The following OTUD7A variants were observed in gnomAD, a reference collection of about 807,000 sequenced individuals.
The protein encoded by OTUD7A is OTU domain-containing protein 7A.
OTUD7A carries 12 observed loss-of-function variants against 65.7 expected under a neutral mutation model. The ratio of observed to expected loss-of-function variants is 0.18; its 90% confidence interval spans 0.12 to 0.30. The LOEUF (loss-of-function observed/expected upper bound fraction) is 0.30. Ranked by LOEUF, OTUD7A falls within the 10% of genes least tolerant of loss-of-function variation. The probability of loss-of-function intolerance (pLI) is 1.00; values close to 1 mark genes in which losing one functional copy is unlikely to be tolerated. For synonymous variants in OTUD7A, 641 were observed against 586.3 expected, an observed-to-expected ratio of 1.09 and a Z score of -1.35; for missense variants, 1,148 against 1,304.8, an observed-to-expected ratio of 0.88 and a Z score of 1.85.
chr15:31,708,699 A>G (rs1435502910), intron 1 of OTUD7A, among the ~76,000 whole-genome samples: 1 of 152,188 alleles, frequency 6.6e-6, no homozygotes, highest in Non-Finnish European at 1.5e-5. Context: ...GAGGAAGAGG[A>G]AGCAATTAAC....
intron 1 of OTUD7A, among the ~76,000 whole-genome samples, chr15:31,835,188 C>T (rs1405299171): frequency 1.3e-5 from 2 of 152,090 alleles, no homozygotes; most frequent in Non-Finnish European, 2.9e-5. Flanking sequence ...GGTTCAAACA[C>T]AGAAAAAATA....
In OTUD7A at chr15:31,537,925, G is replaced by C. The variant is rs529191419; in HGVS notation, c.551-7117C>G. ...TTTCTGCGGCAGACCTCGTTGTCTT[G>C]CCCGCCCCACAGCGTTTCCCTCCCA... is the stretch of plus-strand genomic sequence containing the variant. On this transcript the variant is annotated intron_variant, in intron 5 of 12. Transcript: ENST00000307050. Among the ~76,000 whole-genome samples the C allele has an allele frequency of 2.6e-5, 4 of 152,290 alleles. No homozygotes were observed. In the East Asian group the frequency reaches 7.7e-4, roughly 29 times the overall value.
chr15:31,868,266 A>G (rs764449454), intron 1 of OTUD7A, among the ~76,000 whole-genome samples: 2 of 152,232 alleles, frequency 1.3e-5, no homozygotes, highest in South Asian at 4.1e-4. Flanking sequence ...GTTTTGGGGA[A>G]ATAAGTGACC....
intron 3 of OTUD7A, among the ~76,000 whole-genome samples, chr15:31,613,622 G>A (rs1566944168): frequency 6.6e-6 from 1 of 152,074 alleles, no homozygotes; most frequent in African/African-American, 2.4e-5. Flanking sequence ...CTGTAAGAAT[G>A]GCCATAATAA....
intron 10 of OTUD7A, among the ~76,000 whole-genome samples, chr15:31,490,441 G>A (rs1004645322): frequency 6.6e-6 from 1 of 152,188 alleles, no homozygotes; most frequent in Non-Finnish European, 1.5e-5. Flanking sequence ...AAAGCTGGAA[G>A]AGCATTGTTC....
intron 1 of OTUD7A, among the ~76,000 whole-genome samples, chr15:31,698,930 A>G (rs1447414247): frequency 6.6e-6 from 1 of 152,012 alleles, no homozygotes; most frequent in African/African-American, 2.4e-5. Flanking sequence ...AATGGCACCT[A>G]TTTAACAGGA....
intron 1 of OTUD7A, among the ~76,000 whole-genome samples, chr15:31,732,292 G>A (rs1050701193): frequency 2.0e-5 from 3 of 152,212 alleles, no homozygotes; most frequent in African/African-American, 7.2e-5. Flanking sequence ...GCGCAGAGCT[G>A]GTGTCTCCTC....
intron 1 of OTUD7A, among the ~76,000 whole-genome samples, chr15:31,662,413 C>T (rs186356062): frequency 1.3e-5 from 2 of 152,288 alleles, no homozygotes; most frequent in Admixed American, 6.5e-5. Context: ...ATTTTGCATT[C>T]GTCGATTTAA....
At chr15:31,766,487 G>A (rs1046409307) in intron 1 of OTUD7A, 4 of 1,603,406 alleles carry the variant, frequency 2.5e-6, no homozygotes, top group African/African-American at 2.7e-5. Flanking sequence ...TTGTACTTTT[G>A]CAGAGTCTTT....
chr15:31,496,637 A>G (rs561407654), intron 10 of OTUD7A, among the ~76,000 whole-genome samples: 1 of 152,382 alleles, frequency 6.6e-6, no homozygotes, highest in East Asian at 1.9e-4. Context: ...TTTATTATAA[A>G]TTAATCCTGC....
chr15:31,686,372 A>G (rs889438694), intron 1 of OTUD7A, among the ~76,000 whole-genome samples: 4 of 152,250 alleles, frequency 2.6e-5, no homozygotes, highest in African/African-American at 9.6e-5. Context: ...AAGTGGACAG[A>G]CATTCTGCAG....
chr15:31,623,180 G>A (rs116943546), intron 3 of OTUD7A, among the ~76,000 whole-genome samples: 1 of 152,288 alleles, frequency 6.6e-6, no homozygotes, highest in East Asian at 1.9e-4. Flanking sequence ...CCCTACTTCG[G>A]GGGTGCCTTC....
At chr15:31,791,253 T>C (rs528094691) in intron 1 of OTUD7A, among the ~76,000 whole-genome samples, 1 of 152,172 alleles carries the variant, frequency 6.6e-6, no homozygotes, top group Admixed American at 6.5e-5. Context: ...TCTTGATCTC[T>C]TGACCTCATG....
intron 1 of OTUD7A, among the ~76,000 whole-genome samples, chr15:31,741,336 A>T (rs58562249): frequency 0.031 from 4,669 of 152,254 alleles, 240 homozygotes; most frequent in African/African-American, 0.11. Context: ...TTTTAAAAAA[A>T]TTTTTTATTA....
intron 1 of OTUD7A, among the ~76,000 whole-genome samples, chr15:31,770,982 T>C (rs1895219900): frequency 6.6e-6 from 1 of 152,200 alleles, no homozygotes; most frequent in Non-Finnish European, 1.5e-5. Context: ...GCTCTGCACC[T>C]ACGATCAAGA....
At chr15:31,753,172 C>T (rs142104731) in intron 1 of OTUD7A, among the ~76,000 whole-genome samples, 1 of 152,120 alleles carries the variant, frequency 6.6e-6, no homozygotes, top group African/African-American at 2.4e-5. Flanking sequence ...AGTTTTACCA[C>T]CATTACTTCT....
chr15:31,508,904 C>T (rs1428355206), intron 8 of OTUD7A, among the ~76,000 whole-genome samples: 3 of 152,258 alleles, frequency 2.0e-5, no homozygotes, highest in Non-Finnish European at 2.9e-5. Context: ...CGCCCCTGCG[C>T]GTTGTGGCCT....
In OTUD7A at chr15:31,484,662, G is replaced by C. The variant is rs149179005; in HGVS notation, c.1434C>G (p.Ala478=). The change falls in exon 13 of 13, where the codon GCC becomes GCG. Residue 478 remains alanine (A), a synonymous_variant. Transcript: ENST00000307050. The surrounding 1 kb of genome is among the most constrained non-coding windows in gnomAD (Gnocchi z 4.5). ...AATCGCGGTCCGAGTCCAGCGAGTCGGCCAGGGACTGCACGTCCTCCCCTG... is the reference window on the plus strand; with the variant it reads ...AATCGCGGTCCGAGTCCAGCGAGTCCGCCAGGGACTGCACGTCCTCCCCTG... ...ASAGEDVQSL[A]DSLDSDRDSV... 6.3e-7 allele frequency: 1 copy of C among 1,582,872 alleles called. No individual in the cohort carries two copies. The highest frequency in any genetic ancestry group is 1.3e-5 in the African/African-American group (1 of 74,660).
At position 31,484,585 on chromosome 15, in the gene OTUD7A, T is replaced by G. The variant is rs2041205652; in HGVS notation, c.1511A>C (p.Glu504Ala). The stretch of plus-strand genomic sequence containing the variant: ...CTTCTCCTTGCGCTGCTTCTCCTTC[T>G]CCTTGTCCTTGCCGTTCTTGCCGTT... Reference protein sequence around the residue: ...SNNGKNGKDKEKEKQRKEKDK... With the variant: ...SNNGKNGKDKAKEKQRKEKDK... The change falls in exon 13 of 13, where the codon GAG (glutamate) becomes GCG (alanine). Residue 504 changes from glutamate (E) to alanine (A), a missense_variant. Physicochemically the swap from Glu to Ala is moderately radical, Grantham distance 107 (BLOSUM62 -1). Around this residue, in one of 6 missense-constraint regions of OTUD7A, gnomAD observed 842 missense variants for 769.5 expected, o/e 1.09. Transcript: ENST00000307050. This position sits in a 1 kb window ranked among gnomAD's most constrained non-coding sequence, Gnocchi z 4.5. 1 of 1,609,960 alleles carries G rather than the reference T, an allele frequency of 6.2e-7. No individual in the cohort carries two copies. Among genetic ancestry groups the G allele is most frequent in the African/African-American group, 1.3e-5 (1 of 74,872 alleles).
Sources: gnomAD v4.1 joint callset for allele counts (sites outside exome capture counted in the v4.1 genomes callset) on GRCh38, gnomAD v4.1.1 for gene constraint, gnomAD v4.1.1 regional missense constraint, Gnocchi (gnomAD v3.1) non-coding constraint, MANE v1.5 for transcripts, NCBI Gene and HGNC (gene_info 2026-07-23, HGNC 2026-07-21) for gene names.